MYT1L: variants seen among roughly 807,000 people sequenced by gnomAD.
MYT1L encodes myelin transcription factor 1-like protein.
MYT1L carries 12 observed loss-of-function variants against 126.7 expected under a neutral mutation model. The ratio of observed to expected loss-of-function variants is 0.09; its 90% CI spans 0.06 to 0.15. MYT1L has a LOEUF of 0.15. Among genes scored for constraint, MYT1L ranks in the 10% least tolerant of loss-of-function variants. The pLI is 1.00. For missense variants in MYT1L, 979 were observed against 1,585.2 expected (o/e 0.62, Z 6.49); for synonymous variants, 541 against 604.2 (o/e 0.90, Z 1.53).
chr2:1,934,307 T>TATATATATATATATATATATACACAC (rs71276816), intron 9 of MYT1L, among the ~76,000 whole-genome samples: 3 of 132,124 alleles, frequency 2.3e-5, no homozygotes, highest in African/African-American at 2.7e-5. Context: ...TATATATATA[T>TATATATATATATATATATATACACAC]ACAACCTCAT....
intron 2 of MYT1L, among the ~76,000 whole-genome samples, chr2:2,178,588 GCTCT>G (rs959177947): frequency 3.3e-5 from 5 of 152,128 alleles, no homozygotes; most frequent in African/African-American, 1.2e-4. Flanking sequence ...GGCCTTTGGG[GCTCT>G]CTCTGTCCCC....
intron 3 of MYT1L, among the ~76,000 whole-genome samples, chr2:2,113,898 T>C (rs1309955147): frequency 2.0e-5 from 3 of 151,982 alleles, no homozygotes; most frequent in Admixed American, 6.6e-5. Flanking sequence ...ACTGCCTCCA[T>C]TACACAGATA....
intron 8 of MYT1L, among the ~76,000 whole-genome samples, chr2:1,978,827 C>T (rs985429783): frequency 6.6e-6 from 1 of 152,024 alleles, no homozygotes; most frequent in Non-Finnish European, 1.5e-5. Context: ...AGAATGAGGA[C>T]GTGAGGAAGG....
intron 8 of MYT1L, among the ~76,000 whole-genome samples, chr2:1,962,765 A>C (rs2059059968): frequency 2.0e-5 from 3 of 152,206 alleles, no homozygotes. Flanking sequence ...TTATCTCAAG[A>C]AACCACCTGC....
chr2:1,892,697 C>T (rs552295336), intron 14 of MYT1L, among the ~76,000 whole-genome samples: 3 of 152,042 alleles, frequency 2.0e-5, no homozygotes, highest in East Asian at 3.9e-4. Flanking sequence ...AGGCCCTAAG[C>T]GTGAGTGGGG....
chr2:1,881,960 C>G (rs1028022492), intron 18 of MYT1L, among the ~76,000 whole-genome samples: 1 of 152,076 alleles, frequency 6.6e-6, no homozygotes, highest in Non-Finnish European at 1.5e-5. Flanking sequence ...AGGCATGAAG[C>G]GTGGGAAAGC....
At chr2:2,163,905 C>A (rs994909880) in intron 3 of MYT1L, among the ~76,000 whole-genome samples, 3 of 152,112 alleles carry the variant, frequency 2.0e-5, no homozygotes, top group African/African-American at 4.8e-5. Context: ...TGTCTGTGAG[C>A]AAAGTTCTTG....
chr2:1,842,345 G>C (rs1572761763), intron 19 of MYT1L: 1 of 152,542 alleles, frequency 6.6e-6, no homozygotes, highest in South Asian at 2.1e-4. Context: ...TTCGGGTTTC[G>C]TGTCTGGGCA....
intron 1 of MYT1L, among the ~76,000 whole-genome samples, chr2:2,316,912 G>A (rs1414925759): frequency 6.6e-6 from 1 of 151,792 alleles, no homozygotes; most frequent in Non-Finnish European, 1.5e-5. Context: ...CAGGGTTCCA[G>A]CAATTCTCCT....
intron 4 of MYT1L, among the ~76,000 whole-genome samples, chr2:2,033,263 G>C (rs553498725): frequency 1.5e-5 from 2 of 134,772 alleles, no homozygotes; most frequent in Admixed American, 7.7e-5. Context: ...CACACCCCTC[G>C]CCAGTGCCTC....
At chr2:1,813,854 C>T (rs199765631) in intron 21 of MYT1L, among the ~76,000 whole-genome samples, 1 of 98,382 alleles carries the variant, frequency 1.0e-5, no homozygotes, top group Non-Finnish European at 2.1e-5. Flanking sequence ...GGTGAAACCC[C>T]GTCTGTACTA....
At chr2:1,809,375 G>A (rs556360593) in intron 21 of MYT1L, among the ~76,000 whole-genome samples, 1 of 152,234 alleles carries the variant, frequency 6.6e-6, no homozygotes, top group South Asian at 2.1e-4. Flanking sequence ...CATGCATGTG[G>A]TGAGCACTGA....
chr2:2,303,986 A>G (rs534922581), intron 1 of MYT1L: 1 of 152,298 alleles, frequency 6.6e-6, no homozygotes, highest in East Asian at 1.9e-4. Flanking sequence ...TCTGTTTTGT[A>G]TTTCTCATTA....
intron 18 of MYT1L, among the ~76,000 whole-genome samples, chr2:1,872,865 A>G (rs1050778288): frequency 1.3e-5 from 2 of 152,236 alleles, no homozygotes; most frequent in Non-Finnish European, 2.9e-5. Context: ...AGCCCATTTA[A>G]TTTTATAATC....
chr2:1,898,821 G>A (rs1161266949), intron 14 of MYT1L, among the ~76,000 whole-genome samples: 1 of 152,202 alleles, frequency 6.6e-6, no homozygotes, highest in Admixed American at 6.5e-5. Context: ...AGGGAAGAAG[G>A]GAGCTCTGCA....
intron 4 of MYT1L, among the ~76,000 whole-genome samples, chr2:2,004,005 GCC>G (rs1558694385): frequency 7.3e-5 from 10 of 136,336 alleles, no homozygotes; most frequent in African/African-American, 2.6e-4. Context: ...TTTCCTGCAT[GCC>G]TTCTTTCCTG....
At chr2:2,287,085 G>A (rs957350071) in intron 1 of MYT1L, among the ~76,000 whole-genome samples, 3 of 151,920 alleles carry the variant, frequency 2.0e-5, no homozygotes. Flanking sequence ...GGAGAAACCC[G>A]GTCTCTACTA....
At position 1,797,126 on chromosome 2, in the gene MYT1L, G is replaced by A. The variant is rs79539609; in HGVS notation, c.3276+4570C>T. Reference sequence around the variant, plus strand: ...GGGTGCTTCAGCCCTTGAAGCTGAGGCCACACTGAATCCAGTTGAATGGGG... The same window carrying A: ...GGGTGCTTCAGCCCTTGAAGCTGAGACCACACTGAATCCAGTTGAATGGGG... On this transcript the variant is annotated intron_variant, in intron 23 of 24. Coordinates refer to ENST00000647738, the MANE Select transcript of MYT1L (RefSeq NM_001303052.2). Among the ~76,000 whole-genome samples, 1,049 of 152,270 alleles carry A rather than the reference G, an allele frequency of 6.9e-3. 13 individuals are homozygous for A. The highest frequency in any genetic ancestry group is 0.024 in the African/African-American group (1,013 of 41,550).
chr2:2,266,953 G>A (rs929239205), intron 2 of MYT1L, among the ~76,000 whole-genome samples: 1 of 152,168 alleles, frequency 6.6e-6, no homozygotes, highest in Admixed American at 6.5e-5. Flanking sequence ...ACCCAGTCTC[G>A]AGCGTCTTCG....
Sources: gnomAD v4.1 joint callset for allele counts (sites outside exome capture counted in the v4.1 genomes callset) on GRCh38, gnomAD v4.1.1 for gene constraint, MANE v1.5 for transcripts, NCBI Gene and HGNC (gene_info 2026-07-23, HGNC 2026-07-21) for gene names.